PTPRN2: variants seen among roughly 807,000 people sequenced by gnomAD.
PTPRN2 encodes receptor-type tyrosine-protein phosphatase N2.
In PTPRN2, 74 loss-of-function variants were observed where a neutral mutation model predicts 118.8. The observed-to-expected ratio is 0.62, with a 90% CI of 0.52 to 0.76. The LOEUF is 0.76. PTPRN2 is among the 30% of genes least tolerant of loss of function. The pLI, the probability that PTPRN2 is intolerant of heterozygous loss-of-function variation, is 0.00. For synonymous variants in PTPRN2, 641 were observed against 608.0 expected, an observed-to-expected ratio of 1.05 and a Z score of -0.80; for missense variants, 1,481 against 1,394.4, an observed-to-expected ratio of 1.06 and a Z score of -0.99.
At chr7:157,776,252 T>TCTC (rs1417036129) in intron 12 of PTPRN2, among the ~76,000 whole-genome samples, 34 of 100,968 alleles carry the variant, frequency 3.4e-4, no homozygotes, top group Admixed American at 1.3e-3. Flanking sequence ...CTCCTCTCCC[T>TCTC]CTCCTCCTCC....
intron 22 of PTPRN2, among the ~76,000 whole-genome samples, chr7:157,545,690 A>G (rs1469287755): frequency 6.6e-6 from 1 of 151,990 alleles, no homozygotes; most frequent in Non-Finnish European, 1.5e-5. Flanking sequence ...ATTCGACCCA[A>G]ATTCCAGGGA....
At chr7:157,710,496 G>A (rs932854767) in intron 12 of PTPRN2, among the ~76,000 whole-genome samples, 1 of 5,548 alleles carries the variant, frequency 1.8e-4, no homozygotes, top group Non-Finnish European at 3.6e-4. Flanking sequence ...CCCCCGCCCC[G>A]TGGCACAGGA....
At position 157,780,469 on chromosome 7, in the gene PTPRN2, C is replaced by G. The variant is rs896634367; in HGVS notation, c.1789-97532G>C. Among the ~76,000 whole-genome samples the G allele has an allele frequency of 2.0e-5, 3 of 152,228 alleles. No homozygotes were observed. The highest frequency in any genetic ancestry group is 7.2e-5 in the African/African-American group (3 of 41,464). ...TGCTGCTGGATCAGATGGCGGAACA[C>G]GGCCCAGAGCAACTGAAGTTCGCTT... is the stretch of plus-strand genomic sequence containing the variant. On this transcript the variant is annotated intron_variant, in intron 12 of 22. Transcript: ENST00000389418. The surrounding 1 kb of genome is among the most constrained non-coding windows in gnomAD (Gnocchi z 4.5).
chr7:158,050,648 C>T (rs755600652), intron 11 of PTPRN2, among the ~76,000 whole-genome samples: 1 of 152,216 alleles, frequency 6.6e-6, no homozygotes, highest in Non-Finnish European at 1.5e-5. Context: ...TCCCCCGTCA[C>T]GCTGAGCTCT....
At chr7:158,515,146 C>T (rs570592242) in intron 1 of PTPRN2, among the ~76,000 whole-genome samples, 25 of 150,340 alleles carry the variant, frequency 1.7e-4, no homozygotes, top group Non-Finnish European at 2.4e-4. Context: ...GCACACAAAG[C>T]GGCCGCGTGC....
chr7:158,194,373 C>A (rs1278842711), intron 4 of PTPRN2, among the ~76,000 whole-genome samples: 1 of 152,204 alleles, frequency 6.6e-6, no homozygotes, highest in Non-Finnish European at 1.5e-5. Context: ...AAAAGATGGG[C>A]CAGTCTGGGG....
chr7:158,401,454 G>A (rs985838836), intron 2 of PTPRN2, among the ~76,000 whole-genome samples: 5 of 151,702 alleles, frequency 3.3e-5, no homozygotes, highest in Admixed American at 2.0e-4. Flanking sequence ...AAGCTGCCAC[G>A]GGACGGCCCC....
At chr7:158,363,201 G>A (rs531704525) in intron 2 of PTPRN2, among the ~76,000 whole-genome samples, 226 of 152,256 alleles carry the variant, frequency 1.5e-3, no homozygotes, top group Middle Eastern at 3.4e-3. Context: ...GGACACTAGG[G>A]AGGCCAGGAG....
intron 11 of PTPRN2, among the ~76,000 whole-genome samples, chr7:158,078,652 G>A (rs1050942228): frequency 8.6e-5 from 13 of 152,040 alleles, no homozygotes; most frequent in South Asian, 4.2e-4. Flanking sequence ...CGTGCTAAGC[G>A]CTCTCCCGAG....
At chr7:157,554,427 G>A (rs1283564574) in intron 21 of PTPRN2, among the ~76,000 whole-genome samples, 2 of 124,494 alleles carry the variant, frequency 1.6e-5, no homozygotes, top group East Asian at 2.7e-4. Flanking sequence ...GGGGCACAAC[G>A]TTGGCATTGA....
rs1192326426 is a variant in PTPRN2 at position 157,690,833 on chromosome 7, G to A, written c.1789-7896C>T. On this transcript the variant is annotated intron_variant, in intron 12 of 22. Transcript: ENST00000389418. This position sits in a 1 kb window ranked among gnomAD's most constrained non-coding sequence, Gnocchi z 7.1. ...GCAGGCGCCGGAGCTCTGCGCGGCCGCTCGGCCCAGCTCCGCGTGCTCCGC... is the reference window on the plus strand; with the variant it reads ...GCAGGCGCCGGAGCTCTGCGCGGCCACTCGGCCCAGCTCCGCGTGCTCCGC... Among the ~76,000 whole-genome samples the A allele has an allele frequency of 6.8e-6, 1 of 147,844 alleles. No individual in the cohort carries two copies. Among genetic ancestry groups the A allele is most frequent in the Non-Finnish European group, 1.5e-5 (1 of 66,578 alleles).
intron 21 of PTPRN2, among the ~76,000 whole-genome samples, chr7:157,562,487 C>T (rs112619953): frequency 6.6e-6 from 1 of 152,314 alleles, no homozygotes; most frequent in African/African-American, 2.4e-5. Context: ...GAAGAGCTGA[C>T]TTGTAAACTT....
At chr7:157,710,224 G>A (rs1796258) in intron 12 of PTPRN2, among the ~76,000 whole-genome samples, 1 of 152,044 alleles carries the variant, frequency 6.6e-6, no homozygotes, top group African/African-American at 2.4e-5. Context: ...CCCCTTGGAC[G>A]AGGCTTTCTG....
chr7:158,534,875 C>T (rs903507447), intron 1 of PTPRN2, among the ~76,000 whole-genome samples: 5 of 141,770 alleles, frequency 3.5e-5, no homozygotes, highest in South Asian at 2.6e-4. Context: ...CCAGGGAGGG[C>T]GGGGTGGGAA....
intron 2 of PTPRN2, among the ~76,000 whole-genome samples, chr7:158,342,950 C>A (rs145676450): frequency 6.6e-6 from 1 of 152,178 alleles, no homozygotes; most frequent in African/African-American, 2.4e-5. Flanking sequence ...GTGCTGGGTT[C>A]TTTTCAGCCA....
chr7:157,868,236 G>A lies in PTPRN2; in HGVS notation c.1788+30437C>T, dbSNP rs1169893308. 6.6e-6 allele frequency among the ~76,000 whole-genome samples: 1 copy of A among 152,206 alleles called. No homozygotes were observed. The highest frequency in any genetic ancestry group is 2.4e-5 in the African/African-American group (1 of 41,458). ...GGTGCACCTACAACTGCTTCCCATC[G>A]AGGTGGTGGGCTGGGACTCGGCAAG... On this transcript the variant is annotated intron_variant, in intron 12 of 22. Coordinates refer to ENST00000389418, the MANE Select transcript of PTPRN2 (RefSeq NM_002847.5). The surrounding 1 kb of genome is among the most constrained non-coding windows in gnomAD (Gnocchi z 5.2).
chr7:158,586,475 G>T (rs1828930733), intron 1 of PTPRN2, among the ~76,000 whole-genome samples: 1 of 152,166 alleles, frequency 6.6e-6, no homozygotes, highest in Non-Finnish European at 1.5e-5. Flanking sequence ...GCCTGCGTTT[G>T]CTTCTGCACC....
rs138941821 is a variant in PTPRN2 at position 158,583,130 on chromosome 7, C to T, written c.112+4428G>A. 1.8e-4 allele frequency among the ~76,000 whole-genome samples: 27 copies of T among 152,288 alleles called. 1 individual carries two copies. The highest frequency in any genetic ancestry group is 6.3e-4 in the African/African-American group (26 of 41,558). ...TCACTTTCAAAATCTAAAGAAAAGT[C>T]GATGAGTAACTGCATCCAAAAATTA... On this transcript the variant is annotated intron_variant, in intron 1 of 22. Transcript: ENST00000389418.
intron 8 of PTPRN2, 113 bp downstream of exon 8, chr7:158,136,542 A>G: frequency 3.1e-6 from 3 of 972,124 alleles, no homozygotes; most frequent in South Asian, 3.0e-5. Context: ...GGGTTTCTCC[A>G]TAATTTTCTG....
Sources: gnomAD v4.1 joint callset for allele counts (sites outside exome capture counted in the v4.1 genomes callset) on GRCh38, gnomAD v4.1.1 for gene constraint, Gnocchi (gnomAD v3.1) non-coding constraint, MANE v1.5 for transcripts, NCBI Gene and HGNC (gene_info 2026-07-23, HGNC 2026-07-21) for gene names.